CDH4: variants seen among roughly 807,000 people sequenced by gnomAD.
CDH4 encodes cadherin-4.
In CDH4, 33 loss-of-function variants were observed where a neutral mutation model predicts 86.0. That is an observed-to-expected ratio of 0.38 (90% CI 0.29 to 0.51). The LOEUF is 0.51. CDH4 is among the 20% of genes least tolerant of loss of function. The pLI, the probability that CDH4 is intolerant of heterozygous loss-of-function variation, is 0.86. For synonymous variants in CDH4, 555 were observed against 549.4 expected, an observed-to-expected ratio of 1.01 and a Z score of -0.14; for missense variants, 1,114 against 1,307.4, an observed-to-expected ratio of 0.85 and a Z score of 2.28.
intron 2 of CDH4, among the ~76,000 whole-genome samples, chr20:61,423,922 G>T (rs1485493491): frequency 6.6e-6 from 1 of 152,136 alleles, no homozygotes; most frequent in Non-Finnish European, 1.5e-5. Context: ...ACACATGCAG[G>T]CTGTGCACAT....
At chr20:61,532,130 C>T (rs2085959531) in intron 2 of CDH4, among the ~76,000 whole-genome samples, 1 of 152,200 alleles carries the variant, frequency 6.6e-6, no homozygotes, top group African/African-American at 2.4e-5. Context: ...CCTCCGTGTC[C>T]TGACTGTGTG....
At chr20:61,524,298 C>G (rs2085894624) in intron 2 of CDH4, among the ~76,000 whole-genome samples, 1 of 152,128 alleles carries the variant, frequency 6.6e-6, no homozygotes, top group Non-Finnish European at 1.5e-5. Context: ...CACGTGAAAA[C>G]CCGGGGAAAG....
At chr20:61,474,967 A>AT (rs1200980253) in intron 2 of CDH4, among the ~76,000 whole-genome samples, 1 of 152,174 alleles carries the variant, frequency 6.6e-6, no homozygotes, top group African/African-American at 2.4e-5. Flanking sequence ...TCCTAACATA[A>AT]TTTACTTTCA....
intron 2 of CDH4, among the ~76,000 whole-genome samples, chr20:61,330,904 C>T (rs1425682362): frequency 6.6e-6 from 1 of 152,160 alleles, no homozygotes; most frequent in Non-Finnish European, 1.5e-5. Flanking sequence ...AGTTTCCTAT[C>T]ATAAAATCCT....
intron 4 of CDH4, among the ~76,000 whole-genome samples, chr20:61,817,106 T>C (rs1273229857): frequency 1.3e-5 from 2 of 152,226 alleles, no homozygotes; most frequent in Non-Finnish European, 2.9e-5. Context: ...TGACTGTGTT[T>C]CACCAGCCAA....
Position 61,386,281 on chromosome 20 carries a change from C to T in CDH4, c.169+131344C>T, listed in dbSNP as rs1419054577. On this transcript the variant is annotated intron_variant, in intron 2 of 15. Coordinates refer to ENST00000614565, the MANE Select transcript of CDH4 (RefSeq NM_001794.5). ...TGGAAGGAACAAAACCTCTCGGTCTCCTCCAAAGGCATGGCCTCCCTGATG... is the reference window on the plus strand; with the variant it reads ...TGGAAGGAACAAAACCTCTCGGTCTTCTCCAAAGGCATGGCCTCCCTGATG... Among the ~76,000 whole-genome samples the T allele has an allele frequency of 2.6e-5, 4 of 152,316 alleles. No homozygotes were observed. The East Asian group carries it at 7.7e-4, about 29-fold the overall frequency.
chr20:61,384,227 C>T (rs560745320), intron 2 of CDH4, among the ~76,000 whole-genome samples: 4 of 152,236 alleles, frequency 2.6e-5, no homozygotes, highest in Admixed American at 2.0e-4. Context: ...AGGATCAGTA[C>T]TTTGTATCCT....
Position 61,745,071 on chromosome 20 carries a change from C to A in CDH4, c.396+1282C>A, listed in dbSNP as rs2088397357. Among the ~76,000 whole-genome samples the A allele has an allele frequency of 1.3e-5, 2 of 152,218 alleles. 1 individual carries two copies. The highest frequency in any genetic ancestry group is 4.1e-4 in the South Asian group (2 of 4,828). On this transcript the variant is annotated intron_variant, in intron 3 of 15. Transcript: ENST00000614565. Reference sequence around the variant, plus strand: ...GATCCCCCCAGTTAACATGAGGCCTCTATGGGGTCGTTTGAGATACGGTGA... The same window carrying A: ...GATCCCCCCAGTTAACATGAGGCCTATATGGGGTCGTTTGAGATACGGTGA...
intron 2 of CDH4, among the ~76,000 whole-genome samples, chr20:61,605,403 A>C (rs1356461905): frequency 3.6e-5 from 5 of 139,256 alleles, no homozygotes; most frequent in South Asian, 2.4e-4. Flanking sequence ...CTCTGTCTCT[A>C]CCTCTCTTTG....
intron 3 of CDH4, among the ~76,000 whole-genome samples, chr20:61,753,961 G>A (rs1159251738): frequency 6.6e-6 from 1 of 152,244 alleles, no homozygotes; most frequent in South Asian, 2.1e-4. Flanking sequence ...AGTGATTAGC[G>A]TGGGCCCTGA....
intron 2 of CDH4, among the ~76,000 whole-genome samples, chr20:61,618,740 A>G (rs2145770378): frequency 6.6e-6 from 1 of 152,344 alleles, no homozygotes; most frequent in East Asian, 1.9e-4. Context: ...CGGTTAACTG[A>G]GAATTCACTC....
intron 2 of CDH4, among the ~76,000 whole-genome samples, chr20:61,380,676 G>A (rs573466508): frequency 2.0e-3 from 301 of 152,248 alleles, no homozygotes; most frequent in Non-Finnish European, 3.4e-3. Context: ...ACTGTCACAC[G>A]ATATGCATTT....
chr20:61,907,813 C>T (rs1288178468), intron 8 of CDH4, among the ~76,000 whole-genome samples: 1 of 152,186 alleles, frequency 6.6e-6, no homozygotes, highest in African/African-American at 2.4e-5. Flanking sequence ...GTGGTGGGGG[C>T]GGTAGCTGTC....
At chr20:61,341,948 G>A (rs572375979) in intron 2 of CDH4, among the ~76,000 whole-genome samples, 27 of 152,270 alleles carry the variant, frequency 1.8e-4, no homozygotes, top group South Asian at 1.0e-3. Flanking sequence ...CATGGAATGC[G>A]GAGGAAGCTG....
chr20:61,452,208 G>T (rs2085384802), intron 2 of CDH4, among the ~76,000 whole-genome samples: 1 of 152,190 alleles, frequency 6.6e-6, no homozygotes, highest in Non-Finnish European at 1.5e-5. Flanking sequence ...CAAACAGGCA[G>T]GTGGCAGACT....
At chr20:61,423,705 A>T (rs2085193124) in intron 2 of CDH4, among the ~76,000 whole-genome samples, 1 of 151,912 alleles carries the variant, frequency 6.6e-6, no homozygotes, top group Admixed American at 6.6e-5. Context: ...AGATCTACAC[A>T]CTTAAATCCT....
At chr20:61,463,640 A>G (rs992991523) in intron 2 of CDH4, among the ~76,000 whole-genome samples, 2 of 152,210 alleles carry the variant, frequency 1.3e-5, no homozygotes, top group African/African-American at 4.8e-5. Flanking sequence ...GGAGGGTCTC[A>G]TGTTGAATCC....
At chr20:61,930,777 T>G (rs753770939) in intron 13 of CDH4, among the ~76,000 whole-genome samples, 1 of 152,240 alleles carries the variant, frequency 6.6e-6, no homozygotes, top group Admixed American at 6.5e-5. Flanking sequence ...TGGGCTTCTT[T>G]GTATGATCAG....
chr20:61,732,367 C>T (rs1028784056), intron 2 of CDH4, among the ~76,000 whole-genome samples: 2 of 152,036 alleles, frequency 1.3e-5, no homozygotes, highest in South Asian at 2.1e-4. Flanking sequence ...TGGAGGTGAC[C>T]GCGTGCCTTG....
Sources: allele counts gnomAD v4.1 joint callset (sites outside exome capture counted in the v4.1 genomes callset), GRCh38; gene constraint gnomAD v4.1.1; transcripts MANE v1.5; gene names NCBI Gene and HGNC (gene_info 2026-07-23, HGNC 2026-07-21).